Variants in ZCCHC9 observed in about 807,000 individuals in gnomAD.
The protein encoded by ZCCHC9 is zinc finger CCHC-type containing 9.
A neutral mutation model predicts 30.8 loss-of-function variants in ZCCHC9; 18 were observed. The observed-to-expected ratio is 0.58, with a 90% CI of 0.40 to 0.87. ZCCHC9 has a LOEUF of 0.87. Ranked by LOEUF, ZCCHC9 falls within the 40% of genes least tolerant of loss-of-function variation. ZCCHC9 has a pLI of 0.00. For missense variants in ZCCHC9, 279 were observed against 331.2 expected (o/e 0.84, Z 1.22); for synonymous variants, 94 against 106.7 (o/e 0.88, Z 0.73).
At chr5:81,311,089 G>A in intron 4 of ZCCHC9, 122 bp from the exon 5 acceptor site, 1 of 943,260 alleles carries the variant, frequency 1.1e-6, no homozygotes, top group Non-Finnish European at 1.7e-6. Flanking sequence ...CTATGATCCT[G>A]GTCTAGCTAC....
chr5:81,310,192 A>T (rs1253472042), intron 4 of ZCCHC9, among the ~76,000 whole-genome samples: 1 of 149,170 alleles, frequency 6.7e-6, no homozygotes, highest in Non-Finnish European at 1.5e-5. Flanking sequence ...TAATGCAGCA[A>T]GGAGAGTAGA....
intron 2 of ZCCHC9, 45 bp downstream of exon 2, chr5:81,305,186 A>C: frequency 6.5e-7 from 1 of 1,539,694 alleles, no homozygotes; most frequent in Non-Finnish European, 8.7e-7. Context: ...ATTTAGCTGG[A>C]AACTATTCTT....
rs754150266 is a variant in ZCCHC9, at chr5:81,304,873, G to A, written c.116G>A (p.Arg39His). 2.0e-5 allele frequency: 32 copies of A among 1,613,912 alleles called. No homozygotes were observed. Among genetic ancestry groups the A allele is most frequent in the Admixed American group, 1.7e-4 (10 of 59,992 alleles). The stretch of plus-strand genomic sequence containing the variant: ...GGAACAAGCCAAAACCTACCAAAGC[G>A]TAAACAACTTGAAGCCAATAGGCTA... ...FEGTSQNLPK[R>H]KQLEANRLSL... Residue 39 changes from arginine to histidine, a missense_variant, in exon 2 of 6, where the codon CGT becomes CAT. Physicochemically the swap from Arg to His is conservative, Grantham distance 29. Transcript: ENST00000407610.
chr5:81,303,674 A>G (rs1758021396), intron 1 of ZCCHC9: 1 of 152,260 alleles, frequency 6.6e-6, no homozygotes, highest in African/African-American at 2.4e-5. Context: ...CTTGTATATG[A>G]CTGGCATCCC....
chr5:81,309,827 A>G (rs1037283381), intron 4 of ZCCHC9, among the ~76,000 whole-genome samples: 1 of 152,178 alleles, frequency 6.6e-6, no homozygotes, highest in African/African-American at 2.4e-5. Flanking sequence ...ACAGTTTTTC[A>G]ATTTTAATCT....
At chr5:81,307,587 A>AG (rs1469556043) in intron 2 of ZCCHC9, among the ~76,000 whole-genome samples, 14 of 152,140 alleles carry the variant, frequency 9.2e-5, no homozygotes, top group Admixed American at 2.0e-4. Flanking sequence ...TGGGAGACGG[A>AG]GGTTGCAGTG....
chr5:81,305,663 TGAGGCAG>T (rs1476817912), intron 2 of ZCCHC9, among the ~76,000 whole-genome samples: 1 of 151,814 alleles, frequency 6.6e-6, no homozygotes, highest in Non-Finnish European at 1.5e-5. Flanking sequence ...TACTGCCAGC[TGAGGCAG>T]GAGGATTGGG....
rs1219036838 is a variant in ZCCHC9, at chr5:81,311,268, G to A, written c.686G>A (p.Ser229Asn). The change falls in exon 5 of 6, where the codon AGT (serine) becomes AAT (asparagine). Residue 229 changes from serine to asparagine, a missense_variant. By Grantham distance (46) the Ser-to-Asn change is conservative. Coordinates refer to ENST00000407610, the MANE Select transcript of ZCCHC9 (RefSeq NM_001131035.2). ...CATTTAAAGAAAGATTGCCCTGAAA[G>A]TCAGAATTCAGGTGAGATCTCTGGG... is the stretch of plus-strand genomic sequence containing the variant. ...VEHLKKDCPE[S>N]QNSERMVTVG... The A allele has an allele frequency of 6.2e-7, 1 of 1,614,078 alleles. No homozygotes were observed. The highest frequency in any genetic ancestry group is 1.7e-5 in the Admixed American group (1 of 60,024).
chr5:81,312,817 T>A lies in ZCCHC9; in HGVS notation c.*155T>A. 1 of 538,504 alleles carries A rather than the reference T, an allele frequency of 1.9e-6. No individual in the cohort carries two copies. Among genetic ancestry groups the A allele is most frequent in the Non-Finnish European group, 3.3e-6 (1 of 298,690 alleles). The allele number at this position is 538,504 out of a possible 1,614,324, so 33.4% of individuals were successfully genotyped here. The stretch of plus-strand genomic sequence containing the variant: ...CAAAAACAATTTTCTTTATTCTGTC[T>A]ATCAAATAGTACTTCTACCACTGTT... On this transcript the variant is annotated 3_prime_UTR_variant, in exon 6 of 6. Coordinates refer to ENST00000407610, the MANE Select transcript of ZCCHC9 (RefSeq NM_001131035.2).
intron 2 of ZCCHC9, among the ~76,000 whole-genome samples, chr5:81,306,012 TC>T (rs1376964391): frequency 6.6e-6 from 1 of 152,106 alleles, no homozygotes; most frequent in Admixed American, 6.6e-5. Context: ...GCTTCCTCCC[TC>T]CCCCATATTA....
chr5:81,308,744 A>C (rs935852367), intron 3 of ZCCHC9, 33 bp downstream of exon 3: 1 of 1,589,834 alleles, frequency 6.3e-7, no homozygotes, highest in Non-Finnish European at 8.5e-7. Context: ...TGTTTTGTTC[A>C]TGGGGAAAGC....
At chr5:81,308,022 A>AAAATCT (rs34237879) in intron 2 of ZCCHC9, among the ~76,000 whole-genome samples, 109 of 68,140 alleles carry the variant, frequency 1.6e-3, no homozygotes, top group Non-Finnish European at 1.7e-3. Flanking sequence ...AAAAAAAAAA[A>AAAATCT]ATCTATCTAT....
At chr5:81,308,023 A>AAAAAAAAAAAATCTATCTG (rs1554049984) in intron 2 of ZCCHC9, among the ~76,000 whole-genome samples, 1 of 15,968 alleles carries the variant, frequency 6.3e-5, no homozygotes, top group Non-Finnish European at 1.2e-4. Context: ...AAAAAAAAAA[A>AAAAAAAAAAAATCTATCTG]TCTATCTATC....
chr5:81,306,344 T>G (rs1273761769), intron 2 of ZCCHC9, among the ~76,000 whole-genome samples: 1 of 152,254 alleles, frequency 6.6e-6, no homozygotes, highest in Non-Finnish European at 1.5e-5. Flanking sequence ...AGATAGTTAT[T>G]TAGAGATAAT....
intron 2 of ZCCHC9, chr5:81,308,330 C>A: frequency 2.3e-6 from 1 of 434,486 alleles, no homozygotes; most frequent in Non-Finnish European, 4.0e-6. Context: ...TAACATTGTT[C>A]CTGAGATTTA....
chr5:81,311,389 C>A, intron 5 of ZCCHC9, 110 bp downstream of exon 5: 1 of 1,101,052 alleles, frequency 9.1e-7, no homozygotes, highest in Admixed American at 1.8e-5. Context: ...TTTAAGACAA[C>A]CTGTTTTCCT....
Position 81,308,645 on chromosome 5 carries a change from TG to T in ZCCHC9, c.470del (p.Cys157PhefsTer11). The T allele has an allele frequency of 1.2e-6, 2 of 1,613,966 alleles. No homozygotes were observed. Among genetic ancestry groups the T allele is most frequent in the Non-Finnish European group, 1.7e-6 (2 of 1,179,928 alleles). On this transcript the variant is annotated frameshift_variant, in exon 3 of 6. Transcript: ENST00000407610. LOFTEE classifies it high-confidence loss of function. ...LENQDMGTGICYRCGSTEHEI... is the reference protein window; with the variant it reads ...LENQDMGTGIXYRCGSTEHEI... ...AAATCAAGACATGGGCACTGGGATA[TG>T]TTACAGGTGTGGGTCCACAGAGCAC...
chr5:81,305,161 C>T lies in ZCCHC9; in HGVS notation c.384+20C>T. ...GCAATGGTGAGAGCATCACTTCTAC[C>T]ATGTTATTTACTTTATTTAGCTGGA... On this transcript the variant is annotated intron_variant, in intron 2 of 5. Transcript: ENST00000407610. The T allele has an allele frequency of 6.4e-7, 1 of 1,562,392 alleles. No individual in the cohort carries two copies. The highest frequency in any genetic ancestry group is 2.2e-5 in the East Asian group (1 of 44,620).
At chr5:81,311,726 A>T (rs1758294116) in intron 5 of ZCCHC9, among the ~76,000 whole-genome samples, 1 of 152,046 alleles carries the variant, frequency 6.6e-6, no homozygotes, top group Non-Finnish European at 1.5e-5. Context: ...AAATATTAAA[A>T]ATGTGTTATC....
Sources: allele counts gnomAD v4.1 joint callset (sites outside exome capture counted in the v4.1 genomes callset), GRCh38; gene constraint gnomAD v4.1.1; transcripts MANE v1.5; gene names NCBI Gene and HGNC (gene_info 2026-07-23, HGNC 2026-07-21).